Variants in NBPF20 observed in about 807,000 individuals in gnomAD.
The protein encoded by NBPF20 is NBPF family member NBPF20.
In NBPF20, 90 loss-of-function variants were observed where a neutral mutation model predicts 68.1. That is an observed-to-expected ratio of 1.32 (90% confidence interval 1.11 to 1.58). The LOEUF (loss-of-function observed/expected upper bound fraction) is 1.58, where lower values mean the gene tolerates loss of function less well. Among genes scored for constraint, NBPF20 ranks in the 40% most tolerant of loss-of-function variants. The pLI is 0.00. For synonymous variants in NBPF20, 290 were observed against 228.1 expected (o/e 1.27, Z -2.45); for missense variants, 816 against 601.2 (o/e 1.36, Z -3.74).
At chr1:145,342,794 C>G (rs1363691158) in intron 73 of NBPF20, among the ~76,000 whole-genome samples, 13 of 116,472 alleles carry the variant, frequency 1.1e-4, no homozygotes, top group South Asian at 5.4e-4. Flanking sequence ...CACACACACA[C>G]AGACACACAC....
intron 137 of NBPF20, 141 bp from the exon 143 acceptor site, chr1:145,291,910 T>A (rs1553657878): frequency 1.6e-5 from 24 of 1,543,728 alleles, no homozygotes; most frequent in Admixed American, 2.0e-5. Flanking sequence ...AAAAATTTAT[T>A]GCCTATATGT....
chr1:145,394,877 A>G, intron 8 of NBPF20, 101 bp downstream of exon 13: 1 of 1,576,452 alleles, frequency 6.3e-7, no homozygotes, highest in African/African-American at 1.3e-5. Flanking sequence ...GCCCACGGTG[A>G]TGGCAAATCT....
intron 9 of NBPF20, chr1:145,393,606 T>C: frequency 4.3e-6 from 3 of 690,690 alleles, no homozygotes; most frequent in South Asian, 3.8e-5. Flanking sequence ...ATGTCCTCAA[T>C]AATTTTGCAT....
At chr1:145,415,106 T>C in the NBPF20 span, among the ~76,000 whole-genome samples, 3 of 151,820 alleles carry the variant, frequency 2.0e-5, no homozygotes, top group African/African-American at 7.3e-5. Flanking sequence ...AATAGGATAA[T>C]AGTGGAGAGA....
the NBPF20 span, among the ~76,000 whole-genome samples, chr1:145,413,445 CTG>C: frequency 1.3e-5 from 2 of 151,956 alleles, no homozygotes; most frequent in Admixed American, 1.3e-4. Flanking sequence ...GATCAATAAA[CTG>C]TGATACATTC....
the NBPF20 span, among the ~76,000 whole-genome samples, chr1:145,425,403 C>G: frequency 3.3e-5 from 5 of 152,148 alleles, no homozygotes; most frequent in Admixed American, 1.3e-4. Context: ...CCCATCCAGA[C>G]GGCAGCCGCG....
chr1:145,408,801 T>A (rs1254821113), upstream of NBPF20, among the ~76,000 whole-genome samples: 1 of 152,070 alleles, frequency 6.6e-6, no homozygotes, highest in East Asian at 1.9e-4. Context: ...CTTCATTGCA[T>A]GTATTGTTAA....
At chr1:145,395,104 C>T (rs1662159377) in exon 8 of NBPF20, 2 of 1,603,698 alleles carry the variant, frequency 1.2e-6, no homozygotes, top group Non-Finnish European at 1.7e-6. Context: ...TCCCAGGACT[C>T]CTGGGGGACT....
chr1:145,410,209 C>A (rs1662954097), upstream of NBPF20, among the ~76,000 whole-genome samples: 1 of 151,962 alleles, frequency 6.6e-6, no homozygotes, highest in African/African-American at 2.4e-5. Context: ...TTAATTTTAG[C>A]CATTCTTATG....
rs1553657780 is a variant in NBPF20, at chr1:145,291,776, A to T, written c.16698-7T>A. 6.2e-7 allele frequency: 1 copy of T among 1,612,000 alleles called. No individual in the cohort carries two copies. The highest frequency in any genetic ancestry group is 8.5e-7 in the Non-Finnish European group (1 of 1,179,854). On this transcript the variant is annotated splice_polypyrimidine_tract_variant and splice_region_variant and intron_variant, in intron 137 of 137. Coordinates refer to ENST00000369373, the Ensembl canonical transcript of NBPF20. ...CATCAGCACGCCGTTGAGCCTGGAAAAGGAGACAAAACTAAAGAAGCAGCC... is the reference window on the plus strand; with the variant it reads ...CATCAGCACGCCGTTGAGCCTGGAATAGGAGACAAAACTAAAGAAGCAGCC...
intron 136 of NBPF20, among the ~76,000 whole-genome samples, chr1:145,292,809 C>A (rs1370399639): frequency 1.7e-4 from 13 of 76,996 alleles, no homozygotes; most frequent in Non-Finnish European, 2.1e-4. Flanking sequence ...AGGAGAAAAA[C>A]TGCAATATTT....
At chr1:145,306,556 C>CTAAATATCTA (rs1661417053) in intron 119 of NBPF20, among the ~76,000 whole-genome samples, 160 bp downstream of exon 124, 1 of 103,572 alleles carries the variant, frequency 9.7e-6, no homozygotes, top group Non-Finnish European at 2.0e-5. Flanking sequence ...AAATGGAAAC[C>CTAAATATCTA]TAAATATCTA....
At chr1:145,407,586 T>TTATA (rs375463984), upstream of NBPF20, among the ~76,000 whole-genome samples, 1 of 146,958 alleles carries the variant, frequency 6.8e-6, no homozygotes, top group African/African-American at 2.5e-5. Flanking sequence ...TATATATATA[T>TTATA]TATATATATA....
At chr1:145,404,940 T>C (rs1448847335) in intron 2 of NBPF20, among the ~76,000 whole-genome samples, 158 bp downstream of exon 7, 3 of 152,072 alleles carry the variant, frequency 2.0e-5, no homozygotes, top group South Asian at 2.1e-4. Context: ...AATACTTTGG[T>C]ACCTCTGTCT....
chr1:145,393,458 AACACACACAC>A (rs370259133), intron 9 of NBPF20, among the ~76,000 whole-genome samples: 3,690 of 145,266 alleles, frequency 0.025, 76 homozygotes, highest in Middle Eastern at 0.045. Context: ...CACACACACA[AACACACACAC>A]ACACACACAC....
At chr1:145,292,740 C>CA (rs1558962762) in intron 136 of NBPF20, among the ~76,000 whole-genome samples, 1 of 133,806 alleles carries the variant, frequency 7.5e-6, no homozygotes, top group Non-Finnish European at 1.5e-5. Context: ...CAAGTTTGTG[C>CA]AAACAGTTAT....
chr1:145,341,129 CAGAG>C (rs1661609609), intron 75 of NBPF20, among the ~76,000 whole-genome samples, 190 bp from the exon 81 acceptor site: 2 of 84,800 alleles, frequency 2.4e-5, no homozygotes, highest in African/African-American at 3.9e-5. Flanking sequence ...AAGAGAAAGA[CAGAG>C]AGAGAGAGAC....
chr1:145,291,801 C>A lies in NBPF20; in HGVS notation c.16698-32G>T, dbSNP rs147233950. The A allele has an allele frequency of 4.9e-4, 795 of 1,611,630 alleles. 1 individual carries two copies. The highest frequency in any genetic ancestry group is 4.5e-3 in the African/African-American group (337 of 74,782). Reference sequence around the variant, plus strand: ...AAGGAGACAAAACTAAAGAAGCAGCCAGGGAAAATCAGAAACCACAGAGCC... The same window carrying A: ...AAGGAGACAAAACTAAAGAAGCAGCAAGGGAAAATCAGAAACCACAGAGCC... On this transcript the variant is annotated intron_variant, in intron 137 of 137. Coordinates refer to ENST00000369373, the Ensembl canonical transcript of NBPF20.
At chr1:145,422,176 T>G in the NBPF20 span, among the ~76,000 whole-genome samples, 2 of 151,434 alleles carry the variant, frequency 1.3e-5, no homozygotes, top group South Asian at 4.2e-4. Flanking sequence ...GGTAATTAAG[T>G]ATACCTAAGA....
Sources: allele counts gnomAD v4.1 joint callset (sites outside exome capture counted in the v4.1 genomes callset), GRCh38; gene constraint gnomAD v4.1.1; transcripts MANE v1.5; gene names NCBI Gene and HGNC (gene_info 2026-07-23, HGNC 2026-07-21).